GDA: variants seen among roughly 807,000 people sequenced by gnomAD.
GDA encodes the protein guanine deaminase.
In GDA, 18 loss-of-function variants were observed where a neutral mutation model predicts 59.6. That is an observed-to-expected ratio of 0.30 (90% CI 0.21 to 0.45). The LOEUF (loss-of-function observed/expected upper bound fraction) is 0.45. GDA is among the 20% of genes least tolerant of loss of function. GDA has a pLI of 1.00. For synonymous variants in GDA, 201 were observed against 201.1 expected, an observed-to-expected ratio of 1.00 and a Z score of 0.00; for missense variants, 427 against 552.3, an observed-to-expected ratio of 0.77 and a Z score of 2.27.
chr9:72,225,822 G>C (rs1440399337), intron 8 of GDA, 38 bp downstream of exon 8: 2 of 735,632 alleles, frequency 2.7e-6, no homozygotes, highest in Non-Finnish European at 4.6e-6. Context: ...TTTAAAGGAG[G>C]GCATATTTAT....
chr9:72,153,181 T>G (rs1034693586), intron 1 of GDA, among the ~76,000 whole-genome samples: 7 of 152,050 alleles, frequency 4.6e-5, no homozygotes, highest in Non-Finnish European at 1.0e-4. Context: ...CCATGCTGTT[T>G]TGGTTACTGT....
At chr9:72,217,277 G>A (rs1836250246) in intron 5 of GDA, among the ~76,000 whole-genome samples, 2 of 152,138 alleles carry the variant, frequency 1.3e-5, no homozygotes, top group African/African-American at 4.8e-5. Context: ...ATTTTGTACA[G>A]AATAAATAGC....
chr9:72,143,915 A>T (rs1826531247), intron 1 of GDA, among the ~76,000 whole-genome samples: 1 of 152,192 alleles, frequency 6.6e-6, no homozygotes, highest in African/African-American at 2.4e-5. Flanking sequence ...GTAATATAGG[A>T]GCTATTTAAA....
chr9:72,151,772 T>A (rs1209421253), intron 1 of GDA, among the ~76,000 whole-genome samples: 4 of 151,868 alleles, frequency 2.6e-5, no homozygotes, highest in Admixed American at 2.0e-4. Context: ...CCCCACTGAT[T>A]TTTTTGTATT....
At chr9:72,201,196 T>G (rs1452418558) in intron 2 of GDA, among the ~76,000 whole-genome samples, 91 of 151,660 alleles carry the variant, frequency 6.0e-4, no homozygotes, top group African/African-American at 2.1e-3. Flanking sequence ...ACACAGAATT[T>G]TTTTTTTTTT....
At chr9:72,236,517 A>G (rs981527598) in intron 10 of GDA, among the ~76,000 whole-genome samples, 12 of 152,208 alleles carry the variant, frequency 7.9e-5, no homozygotes, top group African/African-American at 2.7e-4. Flanking sequence ...ACCTTTCTGC[A>G]TCTGCTGGGA....
chr9:72,201,192 A>AGTTTTT (rs371187137), intron 2 of GDA, among the ~76,000 whole-genome samples: 1 of 131,300 alleles, frequency 7.6e-6, no homozygotes, highest in African/African-American at 2.7e-5. Flanking sequence ...AGTCACACAG[A>AGTTTTT]ATTTTTTTTT....
At chr9:72,232,896 A>G (rs553986720) in intron 10 of GDA, among the ~76,000 whole-genome samples, 28 of 152,378 alleles carry the variant, frequency 1.8e-4, no homozygotes, top group African/African-American at 6.5e-4. Context: ...AAACTTTAAA[A>G]TGCATGCAAA....
chr9:72,176,034 C>T (rs527570856), intron 1 of GDA, among the ~76,000 whole-genome samples: 5 of 152,116 alleles, frequency 3.3e-5, no homozygotes, highest in Non-Finnish European at 7.3e-5. Flanking sequence ...TTCTGTGCAT[C>T]CAGGAATCTG....
chr9:72,164,582 T>C (rs1367918211), intron 1 of GDA, among the ~76,000 whole-genome samples: 1 of 152,178 alleles, frequency 6.6e-6, no homozygotes, highest in African/African-American at 2.4e-5. Context: ...AATAATTGCT[T>C]CCAACAGCAA....
chr9:72,121,224 C>T (rs1825649377), intron 1 of GDA, among the ~76,000 whole-genome samples: 1 of 152,058 alleles, frequency 6.6e-6, no homozygotes, highest in Non-Finnish European at 1.5e-5. Context: ...AATGAAACTC[C>T]AAAAGGATAA....
chr9:72,122,772 C>G (rs1290724212), intron 1 of GDA, among the ~76,000 whole-genome samples: 3 of 152,056 alleles, frequency 2.0e-5, no homozygotes, highest in East Asian at 3.9e-4. Flanking sequence ...CAGGTGCCTC[C>G]CCCATGTCTT....
Position 72,142,387 on chromosome 9 carries a change from G to A in GDA, c.-100+27554G>A, listed in dbSNP as rs534986989. ...TCCTAGCACTTTGGGAGGCTGAGGTGGGCGGATCATGAGGTCAGGAGATCG... is the reference window on the plus strand; with the variant it reads ...TCCTAGCACTTTGGGAGGCTGAGGTAGGCGGATCATGAGGTCAGGAGATCG... On this transcript the variant is annotated intron_variant, in intron 1 of 13. Coordinates refer to the GDA transcript ENST00000545168. 5.2e-4 allele frequency among the ~76,000 whole-genome samples: 79 copies of A among 152,112 alleles called. No individual in the cohort carries two copies. The South Asian group carries it at 0.015, about 30-fold the overall frequency.
chr9:72,174,759 TATAG>T (rs1324980411), intron 1 of GDA, among the ~76,000 whole-genome samples: 1,740 of 149,350 alleles, frequency 0.012, 22 homozygotes, highest in African/African-American at 0.041. Context: ...TATATATATA[TATAG>T]AGAGAGAGAG....
At chr9:72,236,152 A>G (rs147391833) in intron 10 of GDA, among the ~76,000 whole-genome samples, 71 of 152,244 alleles carry the variant, frequency 4.7e-4, no homozygotes, top group African/African-American at 1.7e-3. Context: ...CTCGCTTTTC[A>G]TATTCCCCTC....
chr9:72,169,378 C>T (rs1267843924), intron 1 of GDA, among the ~76,000 whole-genome samples: 1 of 152,124 alleles, frequency 6.6e-6, no homozygotes, highest in Non-Finnish European at 1.5e-5. Flanking sequence ...AAACCTAATG[C>T]CAAGTCTATT....
At chr9:72,202,350 C>T (rs1363941851) in intron 2 of GDA, among the ~76,000 whole-genome samples, 2 of 152,108 alleles carry the variant, frequency 1.3e-5, no homozygotes, top group East Asian at 1.9e-4. Context: ...TGGTTAACCC[C>T]GACCAGCCAT....
At chr9:72,146,152 G>A (rs1455458893), upstream of GDA, among the ~76,000 whole-genome samples, 1 of 151,800 alleles carries the variant, frequency 6.6e-6, no homozygotes, top group Non-Finnish European at 1.5e-5. Flanking sequence ...TGGGGGTTGG[G>A]GGAGTGGGTG....
intron 1 of GDA, among the ~76,000 whole-genome samples, chr9:72,119,848 C>T (rs1188024362): frequency 6.6e-6 from 1 of 152,040 alleles, no homozygotes; most frequent in Non-Finnish European, 1.5e-5. Flanking sequence ...TTATGAGAGA[C>T]CATGGGATGT....
Sources: gnomAD v4.1 joint callset for allele counts (sites outside exome capture counted in the v4.1 genomes callset) on GRCh38, gnomAD v4.1.1 for gene constraint, MANE v1.5 for transcripts, NCBI Gene and HGNC (gene_info 2026-07-23, HGNC 2026-07-21) for gene names.